NRG3: variants seen among roughly 807,000 people sequenced by gnomAD.
The protein encoded by NRG3 is neuregulin 3.
A neutral mutation model predicts 66.9 loss-of-function variants in NRG3; 31 were observed. That is an observed-to-expected ratio of 0.46 (90% CI 0.35 to 0.63). The LOEUF is 0.63. Among genes scored for constraint, NRG3 ranks in the 20% least tolerant of loss-of-function variants. NRG3 has a pLI of 0.00. For missense variants in NRG3, 910 were observed against 878.9 expected, an observed-to-expected ratio of 1.04 and a Z score of -0.45; for synonymous variants, 393 against 359.4, an observed-to-expected ratio of 1.09 and a Z score of -1.06.
intron 1 of NRG3, among the ~76,000 whole-genome samples, chr10:81,974,960 A>G (rs2060063610): frequency 6.6e-6 from 1 of 152,154 alleles, no homozygotes; most frequent in Non-Finnish European, 1.5e-5. Context: ...TGACTAAAAC[A>G]AGGCAGAGTA....
chr10:82,520,430 A>G (rs1401235442), intron 2 of NRG3, among the ~76,000 whole-genome samples: 1 of 151,940 alleles, frequency 6.6e-6, no homozygotes, highest in East Asian at 1.9e-4. Flanking sequence ...ACATACACAC[A>G]AAACCCTCAG....
chr10:82,813,268 T>C (rs912750672), intron 3 of NRG3, among the ~76,000 whole-genome samples: 3 of 149,066 alleles, frequency 2.0e-5, no homozygotes, highest in Non-Finnish European at 4.4e-5. Context: ...GGCTGGAGTA[T>C]AGTGGCAAAA....
At chr10:82,414,068 A>G (rs1335453945) in intron 2 of NRG3, among the ~76,000 whole-genome samples, 2 of 152,054 alleles carry the variant, frequency 1.3e-5, no homozygotes, top group East Asian at 1.9e-4. Flanking sequence ...TTTCCTTTGC[A>G]TTCACAACTT....
intron 1 of NRG3, among the ~76,000 whole-genome samples, chr10:82,047,748 C>G (rs1027354661): frequency 4.6e-5 from 7 of 151,098 alleles, no homozygotes; most frequent in Middle Eastern, 3.2e-3. Context: ...TCACACATAA[C>G]AATATTAACT....
rs568502769 is a variant in NRG3 at position 82,120,360 on chromosome 10, T to A, written c.824-238379T>A. Among the ~76,000 whole-genome samples the A allele has an allele frequency of 3.9e-5, 6 of 152,286 alleles. No homozygotes were observed. In the East Asian group the frequency reaches 1.2e-3, roughly 29 times the overall value. On this transcript the variant is annotated intron_variant, in intron 1 of 8. Transcript: ENST00000372141. ...TCTAAATTTCTGTTTTGTTAAAAGT[T>A]TTAGGCTATTTAAAATCAATAGTAA...
chr10:82,442,666 G>A (rs1453466585), intron 2 of NRG3, among the ~76,000 whole-genome samples: 1 of 150,344 alleles, frequency 6.7e-6, no homozygotes, highest in Non-Finnish European at 1.5e-5. Context: ...CCTATGGAAA[G>A]AAAAATAGTC....
intron 1 of NRG3, among the ~76,000 whole-genome samples, chr10:82,349,627 A>T (rs2083282332): frequency 6.6e-6 from 1 of 151,896 alleles, no homozygotes; most frequent in Non-Finnish European, 1.5e-5. Context: ...TGTTTACCTA[A>T]GCAAGCCTGG....
intron 2 of NRG3, among the ~76,000 whole-genome samples, chr10:82,607,590 G>A (rs1033516091): frequency 1.3e-5 from 2 of 151,892 alleles, no homozygotes; most frequent in African/African-American, 2.4e-5. Flanking sequence ...TGATATAGTT[G>A]GATTAATATC....
intron 1 of NRG3, among the ~76,000 whole-genome samples, chr10:82,352,713 C>T (rs2083510738): frequency 6.6e-6 from 1 of 151,852 alleles, no homozygotes; most frequent in African/African-American, 2.4e-5. Flanking sequence ...CCTGAGGGGA[C>T]ATGGGAAATT....
chr10:82,324,525 T>C (rs11193719), intron 1 of NRG3, among the ~76,000 whole-genome samples: 58,446 of 152,018 alleles, frequency 0.38, 15,379 homozygotes, highest in African/African-American at 0.74. Flanking sequence ...TAACATGAGG[T>C]GTTTTTAAAA....
intron 3 of NRG3, among the ~76,000 whole-genome samples, chr10:82,845,627 A>G (rs2063276232): frequency 6.6e-6 from 1 of 151,680 alleles, no homozygotes; most frequent in Non-Finnish European, 1.5e-5. Context: ...ATAAAAAGGA[A>G]AAAAAACAAA....
intron 7 of NRG3, among the ~76,000 whole-genome samples, chr10:82,978,162 A>T (rs910133155): frequency 6.6e-6 from 1 of 152,152 alleles, no homozygotes; most frequent in Non-Finnish European, 1.5e-5. Flanking sequence ...ATGGGAATGG[A>T]TATGGAACAG....
intron 2 of NRG3, among the ~76,000 whole-genome samples, chr10:82,659,233 A>G (rs948868353): frequency 6.6e-6 from 1 of 152,256 alleles, no homozygotes; most frequent in African/African-American, 2.4e-5. Flanking sequence ...TTCTTCCATC[A>G]TTAAAATATT....
chr10:82,081,136 G>C lies in NRG3; in HGVS notation c.823+204973G>C, dbSNP rs72825430. Among the ~76,000 whole-genome samples, 222 of 152,254 alleles carry C rather than the reference G, an allele frequency of 1.5e-3. 1 individual carries two copies. The highest frequency in any genetic ancestry group is 2.3e-3 in the Non-Finnish European group (154 of 68,004). The stretch of plus-strand genomic sequence containing the variant: ...ATTTTTGTGGGGGAATGTGTGTAAA[G>C]GTATATAGACATGAATATTTGATGA... On this transcript the variant is annotated intron_variant, in intron 1 of 8. Coordinates refer to ENST00000372141, the MANE Select transcript of NRG3 (RefSeq NM_001010848.4).
At chr10:82,716,004 G>C (rs1364694479) in intron 2 of NRG3, among the ~76,000 whole-genome samples, 1 of 152,034 alleles carries the variant, frequency 6.6e-6, no homozygotes, top group Admixed American at 6.6e-5. Context: ...CCTTCCAAAG[G>C]CCACACCTCC....
At chr10:82,142,038 T>G (rs572619002) in intron 1 of NRG3, among the ~76,000 whole-genome samples, 2 of 152,188 alleles carry the variant, frequency 1.3e-5, no homozygotes. Flanking sequence ...TCAGACCCCA[T>G]GAATACACAC....
chr10:82,234,167 T>G (rs917478584), intron 1 of NRG3, among the ~76,000 whole-genome samples: 2 of 152,200 alleles, frequency 1.3e-5, no homozygotes, highest in African/African-American at 4.8e-5. Context: ...ACCTGTTCAC[T>G]TCTCTGGTTT....
At chr10:82,128,562 C>G (rs1045881923) in intron 1 of NRG3, among the ~76,000 whole-genome samples, 18 of 151,956 alleles carry the variant, frequency 1.2e-4, no homozygotes. Flanking sequence ...GGATTTATAT[C>G]TTTAATGCTG....
chr10:82,953,646 AATATCTACCTT>A (rs1849738563), intron 5 of NRG3, among the ~76,000 whole-genome samples: 1 of 151,962 alleles, frequency 6.6e-6, no homozygotes, highest in Non-Finnish European at 1.5e-5. Flanking sequence ...GAACAAGTAT[AATATCTACCTT>A]ATAGAATTTT....
Sources: allele counts gnomAD v4.1 joint callset (sites outside exome capture counted in the v4.1 genomes callset), GRCh38; gene constraint gnomAD v4.1.1; transcripts MANE v1.5; gene names NCBI Gene and HGNC (gene_info 2026-07-23, HGNC 2026-07-21).